Variants in INPP5A observed in about 807,000 individuals in gnomAD.
INPP5A encodes inositol polyphosphate-5-phosphatase A.
In INPP5A, 14 loss-of-function variants were observed where a neutral mutation model predicts 65.2. That is an observed-to-expected ratio of 0.21 (90% CI 0.14 to 0.34). The LOEUF is 0.34. Ranked by LOEUF, INPP5A falls within the 10% of genes least tolerant of loss-of-function variation. The pLI is 1.00. For synonymous variants in INPP5A, 207 were observed against 208.3 expected, an observed-to-expected ratio of 0.99 and a Z score of 0.05; for missense variants, 431 against 545.6, an observed-to-expected ratio of 0.79 and a Z score of 2.09.
chr10:132,619,343 A>T (rs926481040), intron 2 of INPP5A, among the ~76,000 whole-genome samples: 1 of 152,204 alleles, frequency 6.6e-6, no homozygotes, highest in Non-Finnish European at 1.5e-5. Flanking sequence ...CTCAGAGTCT[A>T]TGTCCCACAC....
At chr10:132,553,864 T>C (rs2071088650) in intron 1 of INPP5A, among the ~76,000 whole-genome samples, 1 of 145,026 alleles carries the variant, frequency 6.9e-6, no homozygotes, top group Non-Finnish European at 1.5e-5. Context: ...TCTCAGAGCC[T>C]TGGTGGCATA....
intron 1 of INPP5A, among the ~76,000 whole-genome samples, chr10:132,601,288 A>G (rs2071774201): frequency 6.6e-6 from 1 of 152,184 alleles, no homozygotes; most frequent in Non-Finnish European, 1.5e-5. Context: ...CACGTTGACC[A>G]TTTCATATGT....
chr10:132,727,047 GA>G lies in INPP5A; in HGVS notation c.732+144del. On this transcript the variant is annotated intron_variant, in intron 9 of 15. Transcript: ENST00000368594. This position sits in a 1 kb window ranked among gnomAD's most constrained non-coding sequence, Gnocchi z 6.5. ...ACTTTTTAAGGCAAAACCTTTCAAT[GA>G]AGAAGCATGTTTTGCTGTCGGCAGA... is the stretch of plus-strand genomic sequence containing the variant. The G allele has an allele frequency of 1.9e-6, 1 of 522,412 alleles. No homozygotes were observed. The allele number at this position is 522,412 out of a possible 1,614,324, so 32.4% of individuals were successfully genotyped here.
At chr10:132,754,933 G>A (rs566872712) in intron 11 of INPP5A, among the ~76,000 whole-genome samples, 59 of 151,986 alleles carry the variant, frequency 3.9e-4, no homozygotes, top group Middle Eastern at 3.4e-3. Context: ...ATGAGTGTGC[G>A]TGCATATGCA....
In INPP5A at chr10:132,547,127, C is replaced by T. The variant is rs186560023; in HGVS notation, c.75+8956C>T. Among the ~76,000 whole-genome samples the T allele has an allele frequency of 8.9e-4, 136 of 152,370 alleles. 1 individual carries two copies. Among genetic ancestry groups the T allele is most frequent in the Admixed American group, 2.7e-3 (41 of 15,312 alleles). On this transcript the variant is annotated intron_variant, in intron 1 of 15. Transcript: ENST00000368594. The surrounding 1 kb of genome is among the most constrained non-coding windows in gnomAD (Gnocchi z 5.5). ...GGTGCCAGGCCACAGTCCAGGTTCA[C>T]GTGGATGCGGGGCAGGCCCCACCTC...
intron 1 of INPP5A, among the ~76,000 whole-genome samples, chr10:132,577,993 G>A (rs2071430151): frequency 1.3e-5 from 2 of 152,220 alleles, no homozygotes. Flanking sequence ...GGTTATTTTA[G>A]TTGTAGGCAT....
At chr10:132,599,020 A>T (rs2133327455) in intron 1 of INPP5A, among the ~76,000 whole-genome samples, 1 of 152,312 alleles carries the variant, frequency 6.6e-6, no homozygotes, top group South Asian at 2.1e-4. Flanking sequence ...TCTGGGAGAT[A>T]CAATTCAAGT....
At chr10:132,696,079 C>CA (rs1845339274) in intron 5 of INPP5A, among the ~76,000 whole-genome samples, 1 of 152,202 alleles carries the variant, frequency 6.6e-6, no homozygotes, top group African/African-American at 2.4e-5. Flanking sequence ...TGAGGACACA[C>CA]ACAAGGCACT....
intron 9 of INPP5A, among the ~76,000 whole-genome samples, chr10:132,730,915 T>G (rs533665020): frequency 6.6e-6 from 1 of 152,202 alleles, no homozygotes. Flanking sequence ...TCAGATCTGA[T>G]AGAGCCGCGT....
rs1845549686 is a variant in INPP5A at position 132,707,183 on chromosome 10, G to C, written c.475-1130G>C. Among the ~76,000 whole-genome samples, 1 of 152,202 alleles carries C rather than the reference G, an allele frequency of 6.6e-6. No homozygotes were observed. The highest frequency in any genetic ancestry group is 6.5e-5 in the Admixed American group (1 of 15,286). ...GCAGACCTTAGGGTGTGGTGGAGGAGACAGGGTCTTCCCTGTCCTGCTTTC... is the reference window on the plus strand; with the variant it reads ...GCAGACCTTAGGGTGTGGTGGAGGACACAGGGTCTTCCCTGTCCTGCTTTC... On this transcript the variant is annotated intron_variant, in intron 6 of 15. Coordinates refer to ENST00000368594, the MANE Select transcript of INPP5A (RefSeq NM_005539.5). This position sits in a 1 kb window ranked among gnomAD's most constrained non-coding sequence, Gnocchi z 5.5.
intron 8 of INPP5A, among the ~76,000 whole-genome samples, chr10:132,724,883 C>T (rs1317722368): frequency 6.7e-6 from 1 of 149,616 alleles, no homozygotes; most frequent in Non-Finnish European, 1.5e-5. Flanking sequence ...CACGGGGAGG[C>T]CCCAGGATGA....
At position 132,551,495 on chromosome 10, in the gene INPP5A, T is replaced by C. The variant is rs2071048685; in HGVS notation, c.75+13324T>C. ...AGCCACTGTGGGTCATGTGGGGGGATTTGGGTGGGACTCTCAGAGGAGCTG... is the reference window on the plus strand; with the variant it reads ...AGCCACTGTGGGTCATGTGGGGGGACTTGGGTGGGACTCTCAGAGGAGCTG... On this transcript the variant is annotated intron_variant, in intron 1 of 15. Transcript: ENST00000368594. The surrounding 1 kb of genome is among the most constrained non-coding windows in gnomAD (Gnocchi z 5.3). Among the ~76,000 whole-genome samples, 1 of 152,054 alleles carries C rather than the reference T, an allele frequency of 6.6e-6. No individual in the cohort carries two copies. The highest frequency in any genetic ancestry group is 1.5e-5 in the Non-Finnish European group (1 of 68,004).
chr10:132,687,724 A>T (rs975820124), intron 4 of INPP5A, among the ~76,000 whole-genome samples: 5 of 152,074 alleles, frequency 3.3e-5, no homozygotes, highest in Non-Finnish European at 7.4e-5. Flanking sequence ...GGCACTCATG[A>T]GTGTGCATGT....
At chr10:132,541,789 G>T (rs2070909524) in intron 1 of INPP5A, among the ~76,000 whole-genome samples, 2 of 152,224 alleles carry the variant, frequency 1.3e-5, no homozygotes, top group South Asian at 4.1e-4. Flanking sequence ...GGCCTCCTCA[G>T]CCCAGTCCTC....
chr10:132,611,743 T>G (rs1269761876), intron 2 of INPP5A, among the ~76,000 whole-genome samples: 324 of 25,648 alleles, frequency 0.013, no homozygotes, highest in Middle Eastern at 0.026. Context: ...AGGTGAGGAG[T>G]TCATGGGAGA....
At chr10:132,634,512 A>G (rs1354253823) in intron 2 of INPP5A, among the ~76,000 whole-genome samples, 1 of 152,240 alleles carries the variant, frequency 6.6e-6, no homozygotes, top group Non-Finnish European at 1.5e-5. Flanking sequence ...TGTCGTGCCA[A>G]GTGGACCACG....
intron 2 of INPP5A, among the ~76,000 whole-genome samples, chr10:132,633,265 A>C (rs1177671382): frequency 6.6e-6 from 1 of 152,188 alleles, no homozygotes; most frequent in African/African-American, 2.4e-5. Context: ...GTCATTGCTC[A>C]TCAGTGAAGC....
intron 1 of INPP5A, among the ~76,000 whole-genome samples, chr10:132,602,033 G>A (rs2071782803): frequency 6.6e-6 from 1 of 152,148 alleles, no homozygotes. Flanking sequence ...TGATATAAAT[G>A]GAATTGAATC....
intron 2 of INPP5A, among the ~76,000 whole-genome samples, chr10:132,642,555 T>A (rs1319201932): frequency 6.6e-6 from 1 of 152,198 alleles, no homozygotes; most frequent in Non-Finnish European, 1.5e-5. Context: ...GTGATGGCGT[T>A]TGCCTACAGA....
Sources: allele counts gnomAD v4.1 joint callset (sites outside exome capture counted in the v4.1 genomes callset), GRCh38; gene constraint gnomAD v4.1.1; non-coding constraint Gnocchi (gnomAD v3.1); transcripts MANE v1.5; gene names NCBI Gene and HGNC (gene_info 2026-07-23, HGNC 2026-07-21).